Variants in RFX2 observed in about 807,000 individuals in gnomAD.
RFX2 encodes regulatory factor X2, also known as DNA-binding protein RFX2.
In RFX2, 20 loss-of-function variants were observed where a neutral mutation model predicts 87.8. That is an observed-to-expected ratio of 0.23 (90% confidence interval 0.16 to 0.33). RFX2 has a LOEUF of 0.33. Ranked by LOEUF, RFX2 falls within the 10% of genes least tolerant of loss-of-function variation. The pLI, the probability that RFX2 is intolerant of heterozygous loss-of-function variation, is 1.00. For missense variants in RFX2, 767 were observed against 1,012.3 expected (o/e 0.76, Z 3.29); for synonymous variants, 397 against 431.3 (o/e 0.92, Z 0.98).
At chr19:6,019,024 C>CT (rs1473873851) in intron 6 of RFX2, among the ~76,000 whole-genome samples, 2 of 152,000 alleles carry the variant, frequency 1.3e-5, no homozygotes, top group Non-Finnish European at 1.5e-5. Context: ...CTCCTGCCGC[C>CT]TGCAGGGCCC....
chr19:6,059,119 A>T (rs547652536), intron 1 of RFX2, among the ~76,000 whole-genome samples: 2 of 152,174 alleles, frequency 1.3e-5, no homozygotes, highest in South Asian at 2.1e-4. Context: ...AGCTGGAACT[A>T]TAGGTGAGCA....
chr19:6,014,735 TGTG>T (rs547761801), intron 7 of RFX2, among the ~76,000 whole-genome samples: 3 of 152,318 alleles, frequency 2.0e-5, no homozygotes, highest in African/African-American at 7.2e-5. Flanking sequence ...CAGGCTTCCC[TGTG>T]GCTTCCTCCC....
rs867857701 is a variant in RFX2, at chr19:6,004,112, C to T, written c.1500+89G>A. Reference sequence around the variant, plus strand: ...TCATGACGCAGGGAAGAAGCCAGCGCTCTCTGGGACACAGTGGTCCTCATG... The same window carrying T: ...TCATGACGCAGGGAAGAAGCCAGCGTTCTCTGGGACACAGTGGTCCTCATG... On this transcript the variant is annotated intron_variant, in intron 13 of 17. Coordinates refer to ENST00000303657, the MANE Select transcript of RFX2 (RefSeq NM_000635.4). This position sits in a 1 kb window ranked among gnomAD's most constrained non-coding sequence, Gnocchi z 4.8. 6.0e-6 allele frequency: 6 copies of T among 1,002,236 alleles called. No homozygotes were observed. In the Middle Eastern group the frequency reaches 7.6e-4, roughly 127 times the overall value. The allele number at this position is 1,002,236 out of a possible 1,614,324, so 62.1% of individuals were successfully genotyped here. A position where few individuals can be genotyped will look rare whatever the true frequency, so the allele number is the denominator to read the frequency against.
At chr19:6,093,690 A>C (rs1275833791) in intron 1 of RFX2, among the ~76,000 whole-genome samples, 2 of 152,094 alleles carry the variant, frequency 1.3e-5, no homozygotes, top group Non-Finnish European at 2.9e-5. Context: ...GGTGGCAGAA[A>C]AGTGAGAAAA....
chr19:5,996,396 A>C (rs2086412945), intron 16 of RFX2, among the ~76,000 whole-genome samples: 1 of 76,852 alleles, frequency 1.3e-5, no homozygotes, highest in Admixed American at 1.4e-4. Context: ...GAGAGGAACC[A>C]GGCTTTGACC....
In RFX2 at chr19:5,997,233, G is replaced by C. The variant is rs1356876639; in HGVS notation, c.1860-20C>G. 1 of 1,603,634 alleles carries C rather than the reference G, an allele frequency of 6.2e-7. No individual in the cohort carries two copies. Among genetic ancestry groups the C allele is most frequent in the East Asian group, 2.2e-5 (1 of 44,724 alleles). ...ATGGAGCTGGGGACAAGCGGACAGA[G>C]GCTGGGGACCCTCAGGGGAGCATGG... On this transcript the variant is annotated intron_variant, in intron 15 of 17. Coordinates refer to ENST00000303657, the MANE Select transcript of RFX2 (RefSeq NM_000635.4). The surrounding 1 kb of genome is among the most constrained non-coding windows in gnomAD (Gnocchi z 4.2).
At position 6,043,315 on chromosome 19, in the gene RFX2, T is replaced by A. The variant is rs1599877815; in HGVS notation, c.180+878A>T. ...TCCCCGCTGGGCCTGTCTGGAGCCT[T>A]TTCCTTCCTGTGATCCTGCAAACCT... On this transcript the variant is annotated intron_variant, in intron 3 of 17. Transcript: ENST00000303657. Among the ~76,000 whole-genome samples, 3 of 152,218 alleles carry A rather than the reference T, an allele frequency of 2.0e-5. No individual in the cohort carries two copies. In the East Asian group the frequency reaches 5.8e-4, roughly 29 times the overall value.
chr19:6,018,856 GCCAAACATCCCTCCTTA>G (rs1172942137), intron 6 of RFX2, among the ~76,000 whole-genome samples: 1 of 152,160 alleles, frequency 6.6e-6, no homozygotes, highest in Non-Finnish European at 1.5e-5. Context: ...AAGTCCCGTG[GCCAAACATCCCTCCTTA>G]CCAAAGGGAC....
intron 1 of RFX2, among the ~76,000 whole-genome samples, chr19:6,073,716 A>G (rs2087642065): frequency 6.6e-6 from 1 of 152,212 alleles, no homozygotes; most frequent in African/African-American, 2.4e-5. Flanking sequence ...GGAACGATGA[A>G]GACACAGTTG....
chr19:6,026,969 C>T lies in RFX2; in HGVS notation c.523-732G>A, dbSNP rs950749963. Among the ~76,000 whole-genome samples the T allele has an allele frequency of 1.3e-5, 2 of 152,054 alleles. No individual in the cohort carries two copies. The highest frequency in any genetic ancestry group is 4.8e-5 in the African/African-American group (2 of 41,406). ...TGATGGAGGTGGGGAGGGAGGTGGG[C>T]GGCAGGTCCACGCGATGGAGGAGGC... is the stretch of plus-strand genomic sequence containing the variant. On this transcript the variant is annotated intron_variant, in intron 5 of 17. Coordinates refer to ENST00000303657, the MANE Select transcript of RFX2 (RefSeq NM_000635.4). This position sits in a 1 kb window ranked among gnomAD's most constrained non-coding sequence, Gnocchi z 4.5.
At position 5,994,598 on chromosome 19, in the gene RFX2, G is replaced by A; in HGVS notation, c.*237C>T. On this transcript the variant is annotated 3_prime_UTR_variant, in exon 18 of 18. Coordinates refer to ENST00000303657, the MANE Select transcript of RFX2 (RefSeq NM_000635.4). ...ATGGTCTGGTGGGGCCCTGGTGGCT[G>A]CGCAGGGACCTGGGGACCCAGAGCA... 1 of 555,814 alleles carries A rather than the reference G, an allele frequency of 1.8e-6. No homozygotes were observed. The highest frequency in any genetic ancestry group is 2.2e-5 in the South Asian group (1 of 45,186). The allele number at this position is 555,814 out of a possible 1,614,324, so 34.4% of individuals were successfully genotyped here. A position where few individuals can be genotyped will look rare whatever the true frequency, so the allele number is the denominator to read the frequency against.
intron 1 of RFX2, among the ~76,000 whole-genome samples, chr19:6,094,083 G>A (rs1429124788): frequency 2.0e-5 from 3 of 151,990 alleles, no homozygotes; most frequent in African/African-American, 4.8e-5. Context: ...TGAATTCTGC[G>A]GCATGTGAAT....
At position 5,994,919 on chromosome 19, in the gene RFX2, C is replaced by T. The variant is rs531532774; in HGVS notation, c.2088G>A (p.Glu696=). The part of the protein sequence containing the change: ...DDMGDEQRGS[E]AGPDARSLGE... ...CCAGGCTGCGGGCGTCTGGGCCCGC[C>T]TCGCTGCCACGCTGCTCATCGCCCA... Residue 696 remains glutamate (E), a synonymous_variant, in exon 18 of 18, where the codon GAG becomes GAA. Coordinates refer to ENST00000303657, the MANE Select transcript of RFX2 (RefSeq NM_000635.4). 2 of 1,608,756 alleles carry T rather than the reference C, an allele frequency of 1.2e-6. No individual in the cohort carries two copies. The highest frequency in any genetic ancestry group is 2.2e-5 in the South Asian group (2 of 91,070).
chr19:6,094,106 CA>C (rs2087986078), intron 1 of RFX2, among the ~76,000 whole-genome samples: 1 of 151,992 alleles, frequency 6.6e-6, no homozygotes, highest in South Asian at 2.1e-4. Context: ...CATCCCAATG[CA>C]AAAAACACTA....
At chr19:6,042,454 A>G (rs2087124587) in intron 3 of RFX2, among the ~76,000 whole-genome samples, 1 of 151,296 alleles carries the variant, frequency 6.6e-6, no homozygotes, top group Admixed American at 6.6e-5. Flanking sequence ...AGAGTTGTGG[A>G]CAGAGGCCCA....
chr19:6,041,095 G>A (rs2087099624), intron 4 of RFX2, among the ~76,000 whole-genome samples: 1 of 152,094 alleles, frequency 6.6e-6, no homozygotes, highest in African/African-American at 2.4e-5. Context: ...TTGAGACAGG[G>A]TCTCCTTCTG....
At chr19:6,035,546 G>A (rs2087010713) in intron 5 of RFX2, among the ~76,000 whole-genome samples, 1 of 152,060 alleles carries the variant, frequency 6.6e-6, no homozygotes, top group South Asian at 2.1e-4. Flanking sequence ...ATCACTCGTC[G>A]AGGCTACCAG....
Position 6,092,376 on chromosome 19 carries a change from G to A in RFX2, c.-9+18017C>T, listed in dbSNP as rs367631807. 5.3e-4 allele frequency among the ~76,000 whole-genome samples: 81 copies of A among 152,344 alleles called. 1 individual carries two copies. The East Asian group carries it at 7.3e-3, about 14-fold the overall frequency. ...CCAAGAAAGCAGCTTGGGACGGAGGGTGGCCCCGCAGGCTGCATGCTGGGC... is the reference window on the plus strand; with the variant it reads ...CCAAGAAAGCAGCTTGGGACGGAGGATGGCCCCGCAGGCTGCATGCTGGGC... On this transcript the variant is annotated intron_variant, in intron 1 of 17. Coordinates refer to ENST00000303657, the MANE Select transcript of RFX2 (RefSeq NM_000635.4).
At position 6,013,078 on chromosome 19, in the gene RFX2, C is replaced by T. The variant is rs1332512394; in HGVS notation, c.807G>A (p.Gly269=). The T allele has an allele frequency of 1.3e-6, 2 of 1,597,634 alleles. No individual in the cohort carries two copies. The highest frequency in any genetic ancestry group is 1.7e-6 in the Non-Finnish European group (2 of 1,172,576). ...TRGNSKYHYY[G]IRLKPDSPLN... is the part of the protein sequence containing the mutation. ...GTGGTGAGTCCGGCTTCAGACGAAT[C>T]CCATAGTAATGGTACTTCGAGTTGC... The change falls in exon 8 of 18, where the codon GGG becomes GGA. Residue 269 remains glycine (G), a synonymous_variant. Transcript: ENST00000303657. This position sits in a 1 kb window ranked among gnomAD's most constrained non-coding sequence, Gnocchi z 4.1.
Sources: gnomAD v4.1 joint callset for allele counts (sites outside exome capture counted in the v4.1 genomes callset) on GRCh38, gnomAD v4.1.1 for gene constraint, Gnocchi (gnomAD v3.1) non-coding constraint, MANE v1.5 for transcripts, NCBI Gene and HGNC (gene_info 2026-07-23, HGNC 2026-07-21) for gene names.